Variants in KIAA1549L observed in about 807,000 individuals in gnomAD.
KIAA1549L encodes KIAA1549 like, also known as UPF0606 protein KIAA1549L.
KIAA1549L carries 88 observed loss-of-function variants against 160.7 expected under a neutral mutation model. The ratio of observed to expected loss-of-function variants is 0.55; its 90% CI spans 0.46 to 0.65. The LOEUF is 0.65. Among genes scored for constraint, KIAA1549L ranks in the 30% least tolerant of loss-of-function variants. The pLI is 0.00. For synonymous variants in KIAA1549L, 950 were observed against 976.7 expected, an observed-to-expected ratio of 0.97 and a Z score of 0.51; for missense variants, 2,258 against 2,437.5, an observed-to-expected ratio of 0.93 and a Z score of 1.55.
At chr11:33,438,884 C>T (rs964951359) in intron 1 of KIAA1549L, among the ~76,000 whole-genome samples, 5 of 148,212 alleles carry the variant, frequency 3.4e-5, no homozygotes, top group Non-Finnish European at 7.4e-5. Flanking sequence ...AACCCTGGGA[C>T]TCTCAAGCTT....
rs557893137 is a variant in KIAA1549L, at chr11:33,401,190, TATA to T, written c.238+24302_238+24304del. 3.7e-3 allele frequency among the ~76,000 whole-genome samples: 549 copies of T among 146,514 alleles called. 4 individuals carry two copies. Among genetic ancestry groups the T allele is most frequent in the Non-Finnish European group, 5.7e-3 (382 of 67,224 alleles). On this transcript the variant is annotated intron_variant, in intron 1 of 20. Transcript: ENST00000658780. The stretch of plus-strand genomic sequence containing the variant: ...GTAAGCGTGGCTGTGGCTCATATTA[TATA>T]TATATATATGTAAAATATATCTCAT...
intron 12 of KIAA1549L, among the ~76,000 whole-genome samples, chr11:33,596,611 C>T (rs989541368): frequency 3.3e-5 from 5 of 152,054 alleles, no homozygotes; most frequent in African/African-American, 4.8e-5. Flanking sequence ...TGGCGGCGGG[C>T]GCCTGTAATC....
chr11:33,407,211 A>G (rs1487785257), intron 1 of KIAA1549L, among the ~76,000 whole-genome samples: 1 of 142,514 alleles, frequency 7.0e-6, no homozygotes, highest in East Asian at 2.1e-4. Context: ...CAGCCTCCCG[A>G]GTAGCTGGGA....
At chr11:33,514,354 G>GGACT (rs753736596) in intron 1 of KIAA1549L, among the ~76,000 whole-genome samples, 3 of 152,144 alleles carry the variant, frequency 2.0e-5, no homozygotes, top group Non-Finnish European at 4.4e-5. Flanking sequence ...GGGGAACCAC[G>GGACT]GACTGATCAA....
At chr11:33,382,540 G>A (rs1850092707) in intron 1 of KIAA1549L, among the ~76,000 whole-genome samples, 1 of 152,056 alleles carries the variant, frequency 6.6e-6, no homozygotes, top group Non-Finnish European at 1.5e-5. Context: ...GGCCAAGGGA[G>A]GGTTAAGATG....
At chr11:33,480,016 A>C (rs1852375359) in intron 1 of KIAA1549L, among the ~76,000 whole-genome samples, 3 of 152,258 alleles carry the variant, frequency 2.0e-5, no homozygotes, top group African/African-American at 7.2e-5. Flanking sequence ...TCCATGTATC[A>C]GAGTTGGAGG....
At chr11:33,633,072 T>G in intron 16 of KIAA1549L, among the ~76,000 whole-genome samples, 1 of 149,230 alleles carries the variant, frequency 6.7e-6, no homozygotes, top group East Asian at 2.0e-4. Flanking sequence ...ACCTCCTGGG[T>G]TCAGGCGATT....
Position 33,661,022 on chromosome 11 carries a change from C to A in KIAA1549L, c.6159+8C>A. On this transcript the variant is annotated splice_region_variant and intron_variant, in intron 20 of 20. Coordinates refer to ENST00000658780, the MANE Select transcript of KIAA1549L (RefSeq NM_012194.3). Reference sequence around the variant, plus strand: ...AGCCAGTGGGCAGATTCGGTGAGACCCTTGCTCTTCACCTCATAAAACTTT... The same window carrying A: ...AGCCAGTGGGCAGATTCGGTGAGACACTTGCTCTTCACCTCATAAAACTTT... 1 of 1,601,854 alleles carries A rather than the reference C, an allele frequency of 6.2e-7. No homozygotes were observed.
chr11:33,658,694 C>T (rs374456733), intron 18 of KIAA1549L, 56 bp from the exon 19 acceptor site: 16 of 1,540,612 alleles, frequency 1.0e-5, no homozygotes, highest in Non-Finnish European at 1.3e-5. Context: ...TCCTCCTGCT[C>T]GGGACGCCGC....
chr11:33,511,446 C>A (rs996808872), intron 1 of KIAA1549L, among the ~76,000 whole-genome samples: 2 of 152,156 alleles, frequency 1.3e-5, no homozygotes, highest in African/African-American at 4.8e-5. Flanking sequence ...GTAACTGGCC[C>A]TCAGTAAAAT....
intron 17 of KIAA1549L, among the ~76,000 whole-genome samples, chr11:33,650,066 A>T (rs1851842242): frequency 6.6e-6 from 1 of 152,132 alleles, no homozygotes; most frequent in African/African-American, 2.4e-5. Context: ...ACCCGGAAGG[A>T]GAGGACCTGC....
intron 1 of KIAA1549L, among the ~76,000 whole-genome samples, chr11:33,494,423 G>C (rs975166647): frequency 1.3e-5 from 2 of 152,188 alleles, no homozygotes; most frequent in Non-Finnish European, 2.9e-5. Flanking sequence ...TCCCTGGAAG[G>C]CTTAAGGAAA....
chr11:33,475,655 C>A (rs1852269301), intron 1 of KIAA1549L, among the ~76,000 whole-genome samples: 1 of 151,040 alleles, frequency 6.6e-6, no homozygotes, highest in African/African-American at 2.4e-5. Context: ...GAGTTTGACA[C>A]CATTCTGGGC....
intron 20 of KIAA1549L, among the ~76,000 whole-genome samples, chr11:33,666,825 G>A (rs534328753): frequency 2.0e-5 from 3 of 152,182 alleles, no homozygotes; most frequent in Non-Finnish European, 4.4e-5. Flanking sequence ...GAGTGTCTTG[G>A]TAGCTTGTCG....
intron 17 of KIAA1549L, among the ~76,000 whole-genome samples, chr11:33,652,862 C>A (rs564448792): frequency 6.6e-6 from 1 of 152,184 alleles, no homozygotes; most frequent in African/African-American, 2.4e-5. Flanking sequence ...TTCACCAGGG[C>A]ACCTCCTCCC....
Position 33,543,298 on chromosome 11 carries a change from A to G in KIAA1549L, c.1735A>G (p.Ile579Val), listed in dbSNP as rs374260719. 6.2e-7 allele frequency: 1 copy of G among 1,613,896 alleles called. No individual in the cohort carries two copies. The highest frequency in any genetic ancestry group is 8.5e-7 in the Non-Finnish European group (1 of 1,179,892). The change falls in exon 2 of 21, where the codon ATT becomes GTT. Residue 579 changes from isoleucine (I) to valine (V), a missense_variant. Around this residue, in one of 6 missense-constraint regions of KIAA1549L, gnomAD observed 540 missense variants for 465.7 expected, o/e 1.16. Transcript: ENST00000658780. ...LGKNEEANVT[I>V]PLQAFPRKEV... ...GAAGAATGAAGAGGCAAATGTGACG[A>G]TTCCTCTCCAGGCCTTTCCAAGGAA...
chr11:33,666,758 A>G (rs1461466301), intron 20 of KIAA1549L, among the ~76,000 whole-genome samples: 2 of 152,246 alleles, frequency 1.3e-5, no homozygotes, highest in Non-Finnish European at 2.9e-5. Flanking sequence ...TCCCAGATCC[A>G]AGACGTTGTA....
intron 11 of KIAA1549L, among the ~76,000 whole-genome samples, chr11:33,584,968 G>A (rs1037651974): frequency 3.3e-5 from 5 of 152,152 alleles, no homozygotes; most frequent in African/African-American, 7.2e-5. Flanking sequence ...CGGGGGTCAC[G>A]CATGCCTTAG....
chr11:33,479,346 AG>A (rs1475419611), intron 1 of KIAA1549L, among the ~76,000 whole-genome samples: 1 of 152,240 alleles, frequency 6.6e-6, no homozygotes, highest in African/African-American at 2.4e-5. Flanking sequence ...GGCCAGCGTT[AG>A]GAAGAAAAGC....
Sources: allele counts gnomAD v4.1 joint callset (sites outside exome capture counted in the v4.1 genomes callset), GRCh38; gene constraint gnomAD v4.1.1; regional missense constraint gnomAD v4.1.1; transcripts MANE v1.5; gene names NCBI Gene and HGNC (gene_info 2026-07-23, HGNC 2026-07-21).